NRG1: variants seen among roughly 807,000 people sequenced by gnomAD.
NRG1 encodes pro-neuregulin-1, membrane-bound isoform.
NRG1 carries 18 observed loss-of-function variants against 63.8 expected under a neutral mutation model. The ratio of observed to expected loss-of-function variants is 0.28; its 90% confidence interval spans 0.19 to 0.42. The LOEUF (loss-of-function observed/expected upper bound fraction) is 0.42. Ranked by LOEUF, NRG1 falls within the 10% of genes least tolerant of loss-of-function variation. NRG1 has a pLI of 1.00. For synonymous variants in NRG1, 302 were observed against 301.3 expected (o/e 1.00, Z -0.02); for missense variants, 762 against 814.7 (o/e 0.94, Z 0.79).
At chr8:31,906,955 G>A (rs556317717) in intron 1 of NRG1, among the ~76,000 whole-genome samples, 1 of 152,294 alleles carries the variant, frequency 6.6e-6, no homozygotes, top group South Asian at 2.1e-4. Context: ...GGAAAAGAAT[G>A]CTGCTCTTTA....
At chr8:32,023,053 A>G (rs976430949) in intron 1 of NRG1, among the ~76,000 whole-genome samples, 1 of 152,238 alleles carries the variant, frequency 6.6e-6, no homozygotes, top group Admixed American at 6.5e-5. Context: ...ATTTATGTGC[A>G]TATATTCAGT....
At chr8:31,906,473 C>A (rs1187219026) in intron 1 of NRG1, among the ~76,000 whole-genome samples, 1 of 152,180 alleles carries the variant, frequency 6.6e-6, no homozygotes, top group Non-Finnish European at 1.5e-5. Context: ...ATATCTCTTG[C>A]TAGAGTTCCC....
chr8:32,201,497 C>T (rs918306109), intron 1 of NRG1, among the ~76,000 whole-genome samples: 1 of 152,172 alleles, frequency 6.6e-6, no homozygotes, highest in African/African-American at 2.4e-5. Flanking sequence ...TTATTCCAAC[C>T]TCTCCTGGAT....
chr8:32,765,035 A>AG (rs1277774125), exon 12 of NRG1: 1 of 151,782 alleles, frequency 6.6e-6, no homozygotes, highest in Non-Finnish European at 1.5e-5. Flanking sequence ...TGATTTAAAA[A>AG]AAACTATATT....
chr8:32,358,689 A>T (rs1362353481), intron 1 of NRG1, among the ~76,000 whole-genome samples: 1 of 152,186 alleles, frequency 6.6e-6, no homozygotes, highest in East Asian at 1.9e-4. Context: ...TAATAGCTGC[A>T]GAGCAGAAGG....
At chr8:32,696,680 A>C (rs574284089) in intron 5 of NRG1, among the ~76,000 whole-genome samples, 79 of 79,162 alleles carry the variant, frequency 1.0e-3, no homozygotes, top group African/African-American at 4.0e-3. Context: ...TTTTTTTTTG[A>C]CACAGAGTCG....
chr8:32,399,837 C>G (rs575019535), intron 1 of NRG1, among the ~76,000 whole-genome samples: 1 of 152,162 alleles, frequency 6.6e-6, no homozygotes, highest in East Asian at 1.9e-4. Flanking sequence ...TTATGATTTC[C>G]AGAAGTGTTA....
intron 1 of NRG1, among the ~76,000 whole-genome samples, chr8:32,536,243 C>A (rs1831953447): frequency 6.6e-6 from 1 of 152,062 alleles, no homozygotes; most frequent in Admixed American, 6.5e-5. Flanking sequence ...CAAGTCCATT[C>A]AGGTTGTTGG....
intron 5 of NRG1, chr8:32,647,486 G>A: frequency 1.0e-6 from 1 of 985,344 alleles, no homozygotes; most frequent in South Asian, 4.7e-5. Flanking sequence ...CTAGAAAAGT[G>A]GCCCAGAAAC....
intron 1 of NRG1, among the ~76,000 whole-genome samples, chr8:32,229,122 T>A (rs1846634843): frequency 6.6e-6 from 1 of 152,084 alleles, no homozygotes; most frequent in Non-Finnish European, 1.5e-5. Flanking sequence ...ACCAGGTCAA[T>A]TAGTGCACCG....
Position 32,749,911 on chromosome 8 carries a change from G to T in NRG1, c.692-4461G>T, listed in dbSNP as rs914556645. 6.5e-5 allele frequency: 20 copies of T among 307,722 alleles called. No homozygotes were observed. In the East Asian group the frequency reaches 1.4e-3, roughly 21 times the overall value. 19.1% of individuals were successfully genotyped at this position (307,722 alleles called of 1,614,324 possible). On this transcript the variant is annotated intron_variant, in intron 7 of 11. Coordinates refer to ENST00000356819, the Ensembl canonical transcript of NRG1. ...TGTTATATAAAAGCTGGGGTAAGTA[G>T]TAGTAGCACATAAAGGATACAGGGG...
At chr8:31,869,182 A>G (rs532196611) in intron 1 of NRG1, among the ~76,000 whole-genome samples, 7 of 152,280 alleles carry the variant, frequency 4.6e-5, no homozygotes, top group East Asian at 1.9e-4. Flanking sequence ...AGCTTTAGGT[A>G]AAGTCTGCAT....
chr8:32,127,885 T>A (rs1404284926), intron 1 of NRG1, among the ~76,000 whole-genome samples: 1 of 151,752 alleles, frequency 6.6e-6, no homozygotes, highest in African/African-American at 2.4e-5. Flanking sequence ...TGGTAACACA[T>A]AACTAGCCAC....
rs1351353878 is a variant in NRG1, at chr8:32,742,155, G to T, written c.633-520G>T. 9.9e-6 allele frequency: 11 copies of T among 1,106,308 alleles called. No individual in the cohort carries two copies. The highest frequency in any genetic ancestry group is 1.5e-5 in the Non-Finnish European group (11 of 724,750). The allele number at this position is 1,106,308 out of a possible 1,614,324, so 68.5% of individuals were successfully genotyped here. A position where few individuals can be genotyped will look rare whatever the true frequency, so the allele number is the denominator to read the frequency against. ...TACCACTTGGTGCTTTTACAGCTCAGTCGTAACTGATTCATTTTGTTCTAA... is the reference window on the plus strand; with the variant it reads ...TACCACTTGGTGCTTTTACAGCTCATTCGTAACTGATTCATTTTGTTCTAA... On this transcript the variant is annotated intron_variant, in intron 6 of 11. Coordinates refer to ENST00000356819, the Ensembl canonical transcript of NRG1. The surrounding 1 kb of genome is among the most constrained non-coding windows in gnomAD (Gnocchi z 4.2).
chr8:32,180,234 G>A (rs184137113), intron 1 of NRG1, among the ~76,000 whole-genome samples: 2 of 151,992 alleles, frequency 1.3e-5, no homozygotes, highest in African/African-American at 2.4e-5. Flanking sequence ...CATTCTCTAC[G>A]CTTTGGCAGA....
intron 3 of NRG1, among the ~76,000 whole-genome samples, chr8:32,607,628 C>T (rs577861175): frequency 6.6e-6 from 1 of 152,138 alleles, no homozygotes; most frequent in Admixed American, 6.5e-5. Flanking sequence ...TGGCTTTTTA[C>T]ATTTCTTACA....
At chr8:32,112,943 C>T (rs1378811289) in intron 1 of NRG1, among the ~76,000 whole-genome samples, 2 of 152,304 alleles carry the variant, frequency 1.3e-5, no homozygotes, top group East Asian at 3.9e-4. Context: ...ATGCTGTGTA[C>T]TGGAACAGCT....
intron 1 of NRG1, among the ~76,000 whole-genome samples, chr8:31,855,999 C>G (rs1319751848): frequency 1.6e-4 from 24 of 151,382 alleles, no homozygotes; most frequent in Admixed American, 9.9e-4. Flanking sequence ...GTCTGATGGG[C>G]TTCCCTTTGA....
intron 1 of NRG1, among the ~76,000 whole-genome samples, chr8:32,177,959 A>T (rs559644207): frequency 6.6e-6 from 1 of 152,096 alleles, no homozygotes; most frequent in East Asian, 1.9e-4. Context: ...TGTGTTACTC[A>T]TTGAATCAGG....
Sources: allele counts gnomAD v4.1 joint callset (sites outside exome capture counted in the v4.1 genomes callset), GRCh38; gene constraint gnomAD v4.1.1; non-coding constraint Gnocchi (gnomAD v3.1); transcripts MANE v1.5; gene names NCBI Gene and HGNC (gene_info 2026-07-23, HGNC 2026-07-21).